Variants in SYNPR observed in about 807,000 individuals in gnomAD.
The protein encoded by SYNPR is synaptoporin.
SYNPR carries 23 observed loss-of-function variants against 32.9 expected under a neutral mutation model. The ratio of observed to expected loss-of-function variants is 0.70; its 90% CI spans 0.50 to 0.99. The LOEUF (loss-of-function observed/expected upper bound fraction) is 0.99, where lower values mean the gene tolerates loss of function less well. SYNPR is among the 50% of genes least tolerant of loss of function. The pLI is 0.00. For missense variants in SYNPR, 318 were observed against 349.3 expected (o/e 0.91, Z 0.71); for synonymous variants, 146 against 135.9 (o/e 1.07, Z -0.52).
At chr3:63,211,708 C>CTTTTT in the SYNPR span, among the ~76,000 whole-genome samples, 2 of 146,880 alleles carry the variant, frequency 1.4e-5, no homozygotes, top group African/African-American at 2.5e-5. Flanking sequence ...TTGAATCTTT[C>CTTTTT]TTTTTTTTTT....
At chr3:63,390,528 G>A (rs1265426087) in intron 2 of SYNPR, among the ~76,000 whole-genome samples, 2 of 152,186 alleles carry the variant, frequency 1.3e-5, no homozygotes, top group Admixed American at 6.5e-5. Context: ...GGGATGCAAT[G>A]CCAATAGTAC....
At chr3:63,408,070 C>A (rs2088385344) in intron 2 of SYNPR, among the ~76,000 whole-genome samples, 3 of 150,592 alleles carry the variant, frequency 2.0e-5, no homozygotes, top group Admixed American at 6.7e-5. Flanking sequence ...AATCTGCAGG[C>A]TTTGCCTTGG....
intron 4 of SYNPR, among the ~76,000 whole-genome samples, chr3:63,607,016 CTA>C (rs1180950816): frequency 6.6e-6 from 1 of 152,160 alleles, no homozygotes; most frequent in Non-Finnish European, 1.5e-5. Flanking sequence ...ACAAAGAAAT[CTA>C]ACAGTTTTCT....
intron 2 of SYNPR, among the ~76,000 whole-genome samples, chr3:63,262,046 A>T (rs1474226705): frequency 1.3e-5 from 2 of 151,784 alleles, no homozygotes; most frequent in Non-Finnish European, 2.9e-5. Flanking sequence ...AAACAAACTC[A>T]TGACTTCTAT....
At chr3:63,611,673 G>A (rs952044743) in intron 5 of SYNPR, among the ~76,000 whole-genome samples, 2 of 152,042 alleles carry the variant, frequency 1.3e-5, no homozygotes, top group Non-Finnish European at 2.9e-5. Context: ...CTCTTTTCAG[G>A]TGAAACTTTA....
intron 2 of SYNPR, among the ~76,000 whole-genome samples, chr3:63,331,846 G>A (rs1405115118): frequency 4.3e-4 from 65 of 152,172 alleles, no homozygotes; most frequent in African/African-American, 4.8e-5. Context: ...AATATCTACT[G>A]AGTTTTAATG....
At chr3:63,577,763 T>A (rs1044813154) in intron 4 of SYNPR, among the ~76,000 whole-genome samples, 4 of 152,084 alleles carry the variant, frequency 2.6e-5, no homozygotes, top group African/African-American at 9.7e-5. Context: ...CTGTAAAGGA[T>A]TTCTCACCCC....
chr3:63,399,974 G>A (rs928982472), intron 2 of SYNPR, among the ~76,000 whole-genome samples: 2 of 152,190 alleles, frequency 1.3e-5, no homozygotes, highest in African/African-American at 4.8e-5. Context: ...ACAACAGACT[G>A]TTGTTCAGTG....
At chr3:63,496,845 C>T (rs17068828) in intron 3 of SYNPR, among the ~76,000 whole-genome samples, 7,711 of 152,140 alleles carry the variant, frequency 0.051, 287 homozygotes, top group Admixed American at 0.084. Flanking sequence ...TCAATGCATA[C>T]CTTTGATTTA....
At chr3:63,403,618 G>T (rs917989803) in intron 2 of SYNPR, among the ~76,000 whole-genome samples, 1 of 152,144 alleles carries the variant, frequency 6.6e-6, no homozygotes, top group African/African-American at 2.4e-5. Flanking sequence ...CATACTTGCA[G>T]TATGGAGAGC....
At chr3:63,369,428 GAATATA>G (rs2087768977) in intron 2 of SYNPR, among the ~76,000 whole-genome samples, 1 of 152,200 alleles carries the variant, frequency 6.6e-6, no homozygotes, top group Non-Finnish European at 1.5e-5. Flanking sequence ...AGATCTCAGA[GAATATA>G]TGTACCTGCA....
intron 5 of SYNPR, chr3:63,610,597 C>G (rs987310355): frequency 1.2e-5 from 8 of 654,464 alleles, no homozygotes; most frequent in Non-Finnish European, 2.2e-5. Context: ...TAGGGTCTCA[C>G]AATAATTTTT....
At chr3:63,504,950 C>T (rs1336821632) in intron 3 of SYNPR, among the ~76,000 whole-genome samples, 1 of 151,858 alleles carries the variant, frequency 6.6e-6, no homozygotes, top group African/African-American at 2.4e-5. Context: ...AGAGAGATTT[C>T]TGAGATGACT....
At chr3:63,402,414 T>A (rs2088304679) in intron 2 of SYNPR, among the ~76,000 whole-genome samples, 1 of 152,208 alleles carries the variant, frequency 6.6e-6, no homozygotes, top group Non-Finnish European at 1.5e-5. Flanking sequence ...AAATTCAATA[T>A]GAATTCTAGT....
intron 2 of SYNPR, among the ~76,000 whole-genome samples, chr3:63,315,739 T>C (rs1184030259): frequency 1.3e-5 from 2 of 152,020 alleles, no homozygotes; most frequent in Admixed American, 6.6e-5. Context: ...TTTCTTTCTC[T>C]TGTCTGATTG....
At chr3:63,250,035 G>A (rs2106888427) in intron 1 of SYNPR, among the ~76,000 whole-genome samples, 1 of 152,194 alleles carries the variant, frequency 6.6e-6, no homozygotes, top group South Asian at 2.1e-4. Context: ...GAAGGGTAAG[G>A]AAGAGGGGAG....
chr3:63,571,336 G>T (rs2106847107), intron 4 of SYNPR, among the ~76,000 whole-genome samples: 1 of 152,256 alleles, frequency 6.6e-6, no homozygotes, highest in Non-Finnish European at 1.5e-5. Context: ...TGAAAAGGTG[G>T]AATTTGGCCT....
At chr3:63,299,516 G>A (rs138714746) in intron 2 of SYNPR, among the ~76,000 whole-genome samples, 20 of 152,086 alleles carry the variant, frequency 1.3e-4, no homozygotes, top group Admixed American at 5.2e-4. Flanking sequence ...TGTTTCTCTT[G>A]ACTCAGATTC....
At chr3:63,445,726 T>C (rs995742805) in intron 2 of SYNPR, 8 of 510,250 alleles carry the variant, frequency 1.6e-5, no homozygotes, top group Non-Finnish European at 2.4e-5. Flanking sequence ...TGTAACTTAC[T>C]TGAGGAAACA....
Sources: gnomAD v4.1 joint callset for allele counts (sites outside exome capture counted in the v4.1 genomes callset) on GRCh38, gnomAD v4.1.1 for gene constraint, MANE v1.5 for transcripts, NCBI Gene and HGNC (gene_info 2026-07-23, HGNC 2026-07-21) for gene names.